Variants in FBXO34 observed in about 807,000 individuals in gnomAD.
FBXO34 encodes the protein F-box protein 34.
Under a neutral mutation model 24.5 loss-of-function variants are expected in FBXO34, and 12 were observed. The ratio of observed to expected loss-of-function variants is 0.49; its 90% CI spans 0.31 to 0.79. The LOEUF (loss-of-function observed/expected upper bound fraction) is 0.79. FBXO34 is among the 30% of genes least tolerant of loss of function. The probability of loss-of-function intolerance (pLI) is 0.04; values close to 1 mark genes in which losing one functional copy is unlikely to be tolerated. For synonymous variants in FBXO34, 320 were observed against 311.9 expected (o/e 1.03, Z -0.27); for missense variants, 823 against 857.7 (o/e 0.96, Z 0.51).
the FBXO34 span, chr14:55,439,018 A>G: frequency 1.3e-5 from 2 of 149,390 alleles, no homozygotes; most frequent in Non-Finnish European, 3.0e-5. Context: ...GCTCACTGCA[A>G]CCTCTTCCTC....
At chr14:55,379,548 A>C in the FBXO34 span, among the ~76,000 whole-genome samples, 1 of 152,176 alleles carries the variant, frequency 6.6e-6, no homozygotes, top group Non-Finnish European at 1.5e-5. Flanking sequence ...CTGTCTTAAG[A>C]AAAAGAAGAA....
exon 3 of FBXO34, chr14:55,367,210 A>T (rs1359189210): frequency 6.6e-6 from 1 of 152,220 alleles, no homozygotes; most frequent in Admixed American, 6.5e-5. Flanking sequence ...TGCATCTCTC[A>T]GCTGAAGTCA....
the FBXO34 span, among the ~76,000 whole-genome samples, chr14:55,422,141 G>T: frequency 2.0e-5 from 3 of 152,150 alleles, no homozygotes; most frequent in South Asian, 4.1e-4. Context: ...GTAAAAGAAA[G>T]GTCAAAAGGA....
At chr14:55,427,186 A>G in the FBXO34 span, among the ~76,000 whole-genome samples, 1 of 152,182 alleles carries the variant, frequency 6.6e-6, no homozygotes, top group Non-Finnish European at 1.5e-5. Context: ...AAAGATACCT[A>G]AAGAGGCAAC....
chr14:55,281,466 T>C (rs1881540789), intron 1 of FBXO34, among the ~76,000 whole-genome samples: 1 of 152,152 alleles, frequency 6.6e-6, no homozygotes, highest in South Asian at 2.1e-4. Context: ...GGCAGGTTAG[T>C]TGGACAAAAA....
chr14:55,430,651 C>A, the FBXO34 span, among the ~76,000 whole-genome samples: 1 of 152,278 alleles, frequency 6.6e-6, no homozygotes, highest in African/African-American at 2.4e-5. Flanking sequence ...CCAACCTCAG[C>A]CTCCCCAAGT....
chr14:55,430,456 G>T, the FBXO34 span, among the ~76,000 whole-genome samples: 1 of 150,770 alleles, frequency 6.6e-6, no homozygotes, highest in South Asian at 2.1e-4. Context: ...ACCCAGGCTG[G>T]AGTGCAGTGG....
At chr14:55,325,394 G>A (rs1198274722) in intron 1 of FBXO34, among the ~76,000 whole-genome samples, 1 of 152,174 alleles carries the variant, frequency 6.6e-6, no homozygotes, top group East Asian at 1.9e-4. Context: ...AGTTGTGATG[G>A]TGTAGAGCTG....
rs549157063 is a variant in FBXO34, at chr14:55,335,018, C to T, written c.-10-15363C>T. Among the ~76,000 whole-genome samples the T allele has an allele frequency of 3.5e-4, 53 of 152,268 alleles. 1 individual carries two copies. The highest frequency in any genetic ancestry group is 1.3e-3 in the African/African-American group (52 of 41,550). ...GAGTGGGATGGCTTGCCTTTTCAAA[C>T]TGGGTTTCCCACCCAGCAAGTTAAG... On this transcript the variant is annotated intron_variant, in intron 1 of 1. Coordinates refer to ENST00000313833, the MANE Select transcript of FBXO34 (RefSeq NM_017943.4).
the FBXO34 span, among the ~76,000 whole-genome samples, chr14:55,424,840 G>A: frequency 6.6e-6 from 1 of 152,122 alleles, no homozygotes; most frequent in Non-Finnish European, 1.5e-5. Flanking sequence ...GCCACTCCAT[G>A]GAGCGAAAGA....
chr14:55,367,536 A>T, exon 3 of FBXO34: 1 of 152,246 alleles, frequency 6.6e-6, no homozygotes, highest in Admixed American at 6.5e-5. Flanking sequence ...TGAAGTCAGG[A>T]GTTCAAGACC....
the FBXO34 span, among the ~76,000 whole-genome samples, chr14:55,412,708 A>T: frequency 1.3e-5 from 2 of 152,222 alleles, no homozygotes. Context: ...TAGGCTATCT[A>T]CTGATAAACT....
chr14:55,371,079 G>C (rs1884806278), downstream of FBXO34, among the ~76,000 whole-genome samples: 1 of 152,202 alleles, frequency 6.6e-6, no homozygotes, highest in African/African-American at 2.4e-5. Context: ...CAGCTACAGG[G>C]TGGGACCAAG....
At chr14:55,369,704 A>G, downstream of FBXO34, 2 of 1,608,696 alleles carry the variant, frequency 1.2e-6, no homozygotes, top group South Asian at 1.1e-5. Flanking sequence ...GCTGCTCGCG[A>G]TGGGTGGGGA....
At chr14:55,370,871 C>A (rs1271520027), downstream of FBXO34, among the ~76,000 whole-genome samples, 1 of 152,114 alleles carries the variant, frequency 6.6e-6, no homozygotes, top group African/African-American at 2.4e-5. Flanking sequence ...GAACTCCTGA[C>A]CTCAAGTGAT....
At chr14:55,356,456 T>G (rs72717723), downstream of FBXO34, among the ~76,000 whole-genome samples, 3,527 of 152,148 alleles carry the variant, frequency 0.023, 77 homozygotes, top group African/African-American at 0.046. Flanking sequence ...GGGGTTGGTT[T>G]GTTTGTTTTG....
chr14:55,400,773 G>A, the FBXO34 span, among the ~76,000 whole-genome samples: 7 of 151,928 alleles, frequency 4.6e-5, no homozygotes, highest in East Asian at 1.2e-3. Flanking sequence ...GTGTGGTGGC[G>A]GGCACCTGTA....
At chr14:55,342,243 G>A (rs1429577372) in intron 1 of FBXO34, among the ~76,000 whole-genome samples, 2 of 152,172 alleles carry the variant, frequency 1.3e-5, no homozygotes, top group African/African-American at 4.8e-5. Context: ...AAATCCCATT[G>A]TGAATTCTAA....
intron 1 of FBXO34, among the ~76,000 whole-genome samples, chr14:55,344,256 T>A (rs1884085532): frequency 6.6e-6 from 1 of 152,176 alleles, no homozygotes; most frequent in South Asian, 2.1e-4. Flanking sequence ...CCAGGGGTCT[T>A]TATCACCAAG....
Sources: gnomAD v4.1 joint callset for allele counts (sites outside exome capture counted in the v4.1 genomes callset) on GRCh38, gnomAD v4.1.1 for gene constraint, MANE v1.5 for transcripts, NCBI Gene and HGNC (gene_info 2026-07-23, HGNC 2026-07-21) for gene names.